Variants in IFT140 observed in about 807,000 individuals in gnomAD.
The protein encoded by IFT140 is intraflagellar transport 140.
A neutral mutation model predicts 164.6 loss-of-function variants in IFT140; 133 were observed. That is an observed-to-expected ratio of 0.81 (90% CI 0.70 to 0.93). IFT140 has a LOEUF of 0.93. Ranked by LOEUF, IFT140 falls within the 40% of genes least tolerant of loss-of-function variation. IFT140 has a pLI of 0.00. For missense variants in IFT140, 2,045 were observed against 1,972.3 expected, an observed-to-expected ratio of 1.04 and a Z score of -0.70; for synonymous variants, 860 against 817.3, an observed-to-expected ratio of 1.05 and a Z score of -0.89.
chr16:1,541,650 G>C, intron 19 of IFT140: 1 of 346,988 alleles, frequency 2.9e-6, no homozygotes, highest in African/African-American at 2.2e-5. Flanking sequence ...AGAAATAGCA[G>C]AGTAGGGCCC....
chr16:1,563,316 A>G (rs2033524589), intron 17 of IFT140, among the ~76,000 whole-genome samples: 1 of 150,226 alleles, frequency 6.7e-6, no homozygotes, highest in Admixed American at 6.6e-5. Context: ...TTCTTTTGAG[A>G]CGGAGTCTCA....
At chr16:1,516,643 G>A (rs545214845) in intron 30 of IFT140, among the ~76,000 whole-genome samples, 3 of 151,808 alleles carry the variant, frequency 2.0e-5, no homozygotes, top group South Asian at 2.1e-4. Context: ...GGTGGCGGGC[G>A]CCTGTAGTCC....
In IFT140 at chr16:1,587,278, T is replaced by C. The variant is rs1461554977; in HGVS notation, c.929A>G (p.Asn310Ser). 6.8e-6 allele frequency: 11 copies of C among 1,612,022 alleles called. No homozygotes were observed. The highest frequency in any genetic ancestry group is 1.1e-5 in the South Asian group (1 of 91,028). Reference sequence around the variant, plus strand: ...CTTCTCATCTGGACTCAGTATATAATTCTCTCCTCGTTCTATGTCCCAGAA... The same window carrying C: ...CTTCTCATCTGGACTCAGTATATAACTCTCTCCTCGTTCTATGTCCCAGAA... Reference protein sequence around the residue: ...LRFWDIERGENYILSPDEKFG... With the variant: ...LRFWDIERGESYILSPDEKFG... The change falls in exon 9 of 31, where the codon AAT (asparagine) becomes AGT (serine). Residue 310 changes from asparagine to serine, a missense_variant. Coordinates refer to ENST00000426508, the MANE Select transcript of IFT140 (RefSeq NM_014714.4).
chr16:1,524,677 CGTT>C lies in IFT140; in HGVS notation c.3013_3015del (p.Asn1005del). The C allele has an allele frequency of 6.3e-7, 1 of 1,576,218 alleles. No individual in the cohort carries two copies. The highest frequency in any genetic ancestry group is 8.7e-7 in the Non-Finnish European group (1 of 1,156,052). On this transcript the variant is annotated inframe_deletion, in exon 24 of 31. Coordinates refer to ENST00000426508, the MANE Select transcript of IFT140 (RefSeq NM_014714.4). ...TAGGAGGCCGCCAGGTTTCCTGTCTCGTTGGCTATTTGCGCAGCCTAGAAAGAC... is the reference window on the plus strand; with the variant it reads ...TAGGAGGCCGCCAGGTTTCCTGTCTCGGCTATTTGCGCAGCCTAGAAAGAC...
chr16:1,528,410 T>C (rs570386893), intron 19 of IFT140, among the ~76,000 whole-genome samples: 44 of 140,444 alleles, frequency 3.1e-4, no homozygotes, highest in Admixed American at 2.2e-3. Flanking sequence ...TGCACACACA[T>C]GGACGCACAT....
chr16:1,587,209 C>T lies in IFT140; in HGVS notation c.998G>A (p.Cys333Tyr), dbSNP rs773372123. The T allele has an allele frequency of 4.4e-6, 7 of 1,606,196 alleles. No individual in the cohort carries two copies. The South Asian group carries it at 7.7e-5, about 18-fold the overall frequency. Residue 333 changes from cysteine to tyrosine, a missense_variant, in exon 9 of 31, where the codon TGT becomes TAT. Coordinates refer to ENST00000426508, the MANE Select transcript of IFT140 (RefSeq NM_014714.4). ...CCAGGAAGCCTCACCTTTGACTTTA[C>T]AGTAACACACACAGTTCATATTCTC... ...KGENMNCVCY[C>Y]KVKGLLAAGT...
intron 13 of IFT140, 99 bp downstream of exon 13, chr16:1,580,660 T>TA: frequency 1.3e-6 from 1 of 796,172 alleles, no homozygotes; most frequent in Non-Finnish European, 2.2e-6. Context: ...GAGAAAGGAC[T>TA]AATAACCTTA....
chr16:1,585,878 C>A (rs1310313552), intron 10 of IFT140, among the ~76,000 whole-genome samples: 1 of 149,472 alleles, frequency 6.7e-6, no homozygotes, highest in Non-Finnish European at 1.5e-5. Flanking sequence ...TCACGACATT[C>A]TCCTGCCGCA....
chr16:1,523,988 C>G, intron 24 of IFT140, 32 bp from the exon 25 acceptor site: 1 of 1,600,682 alleles, frequency 6.2e-7, no homozygotes, highest in Non-Finnish European at 8.5e-7. Context: ...CCTGAAGCGG[C>G]TCCCACTGGC....
At chr16:1,587,590 A>G (rs549766829) in intron 8 of IFT140, among the ~76,000 whole-genome samples, 3 of 152,382 alleles carry the variant, frequency 2.0e-5, no homozygotes, top group Admixed American at 6.5e-5. Flanking sequence ...CCCGGACAGC[A>G]CACTGAGCTA....
intron 3 of IFT140, among the ~76,000 whole-genome samples, chr16:1,603,768 A>T (rs2035912043): frequency 6.6e-6 from 1 of 152,192 alleles, no homozygotes; most frequent in Non-Finnish European, 1.5e-5. Context: ...GGCGTGAGCC[A>T]CCGTGCCCGG....
chr16:1,583,207 C>T (rs2034671356), intron 12 of IFT140, 107 bp downstream of exon 12: 4 of 976,342 alleles, frequency 4.1e-6, no homozygotes, highest in Non-Finnish European at 6.5e-6. Flanking sequence ...AGGGTCTCCC[C>T]AGCCCCTGTG....
At position 1,567,160 on chromosome 16, in the gene IFT140, G is replaced by A. The variant is rs895016715; in HGVS notation, c.1771-869C>T. ...TGCCCTACCCCTCCGCCAGTCCATC[G>A]TCAAGCCCCACTGCAGCTGCTCGAG... On this transcript the variant is annotated intron_variant, in intron 15 of 30. Coordinates refer to ENST00000426508, the MANE Select transcript of IFT140 (RefSeq NM_014714.4). 2.0e-4 allele frequency among the ~76,000 whole-genome samples: 31 copies of A among 152,142 alleles called. 1 individual carries two copies. Among genetic ancestry groups the A allele is most frequent in the South Asian group, 2.1e-4 (1 of 4,824 alleles).
chr16:1,553,700 C>A lies in IFT140; in HGVS notation c.2399+4235G>T. 9.3e-7 allele frequency: 1 copy of A among 1,077,546 alleles called. No individual in the cohort carries two copies. The highest frequency in any genetic ancestry group is 1.1e-6 in the Non-Finnish European group (1 of 881,376). The allele number at this position is 1,077,546 out of a possible 1,614,324, so 66.7% of individuals were successfully genotyped here. ...TGGGGCTGAAGGCTGGCTGGAGGCC[C>A]CATGGCCTCCAGGACAATCTGTGGC... On this transcript the variant is annotated intron_variant, in intron 19 of 30. Transcript: ENST00000426508. The surrounding 1 kb of genome is among the most constrained non-coding windows in gnomAD (Gnocchi z 4.4).
Position 1,571,497 on chromosome 16 carries a change from T to C in IFT140, c.1562A>G (p.Glu521Gly). Residue 521 changes from glutamate (E) to glycine (G), a missense_variant, in exon 14 of 31, where the codon GAG becomes GGG. Coordinates refer to ENST00000426508, the MANE Select transcript of IFT140 (RefSeq NM_014714.4). Reference protein sequence around the residue: ...VKQLLLFSETEGNPCFLDICG... With the variant: ...VKQLLLFSETGGNPCFLDICG... Reference sequence around the variant, plus strand: ...GATGTCCAAGAAGCAGGGATTCCCCTCAGTCTCCGAGAAAAGGAGGAGTTG... The same window carrying C: ...GATGTCCAAGAAGCAGGGATTCCCCCCAGTCTCCGAGAAAAGGAGGAGTTG... The C allele has an allele frequency of 6.2e-7, 1 of 1,614,006 alleles. No individual in the cohort carries two copies. The highest frequency in any genetic ancestry group is 8.5e-7 in the Non-Finnish European group (1 of 1,179,878).
At chr16:1,537,950 C>T (rs1162427723) in intron 19 of IFT140, among the ~76,000 whole-genome samples, 1 of 152,256 alleles carries the variant, frequency 6.6e-6, no homozygotes, top group Admixed American at 6.5e-5. Flanking sequence ...GCTTCACCCC[C>T]TGCTCGGCCA....
In IFT140 at chr16:1,584,367, G is replaced by A. The variant is rs1360182928; in HGVS notation, c.1209C>T (p.Ile403=). The A allele has an allele frequency of 9.9e-6, 16 of 1,612,868 alleles. No homozygotes were observed. The South Asian group carries it at 1.8e-4, about 18-fold the overall frequency. Reference sequence around the variant, plus strand: ...GTGACGACATGGCCCGCTCGCTGAGGATGGCCACGGAGATGACGCTGTTCA... The same window carrying A: ...GTGACGACATGGCCCGCTCGCTGAGAATGGCCACGGAGATGACGCTGTTCA... ...LAVNSVISVA[I]LSERAMSSHF... The change falls in exon 11 of 31, where the codon ATC becomes ATT. Residue 403 remains isoleucine (I), a synonymous_variant. Coordinates refer to ENST00000426508, the MANE Select transcript of IFT140 (RefSeq NM_014714.4).
At chr16:1,565,240 G>A (rs140173592) in intron 16 of IFT140, among the ~76,000 whole-genome samples, 6 of 152,250 alleles carry the variant, frequency 3.9e-5, no homozygotes, top group East Asian at 1.9e-4. Flanking sequence ...TTCGAGGAGC[G>A]GCCCAAGAAC....
intron 29 of IFT140, 32 bp from the exon 30 acceptor site, chr16:1,518,389 G>A (rs745447449): frequency 5.6e-6 from 9 of 1,599,018 alleles, no homozygotes; most frequent in East Asian, 2.3e-5. Context: ...CCTGGGCCCC[G>A]AAGCCCTGAA....
Sources: allele counts gnomAD v4.1 joint callset (sites outside exome capture counted in the v4.1 genomes callset), GRCh38; gene constraint gnomAD v4.1.1; non-coding constraint Gnocchi (gnomAD v3.1); transcripts MANE v1.5; gene names NCBI Gene and HGNC (gene_info 2026-07-23, HGNC 2026-07-21).